Variants in SLC9A9 observed in about 807,000 individuals in gnomAD.
SLC9A9 encodes the protein sodium/hydrogen exchanger 9.
SLC9A9 carries 62 observed loss-of-function variants against 77.8 expected under a neutral mutation model. The observed-to-expected ratio is 0.80, with a 90% CI of 0.65 to 0.98. The LOEUF (loss-of-function observed/expected upper bound fraction) is 0.98. Among genes scored for constraint, SLC9A9 ranks in the 50% least tolerant of loss-of-function variants. The pLI, the probability that SLC9A9 is intolerant of heterozygous loss-of-function variation, is 0.00. For synonymous variants in SLC9A9, 320 were observed against 283.5 expected (o/e 1.13, Z -1.29); for missense variants, 775 against 774.9 (o/e 1.00, Z 0.00).
At chr3:143,806,097 C>T (rs1233000663) in intron 2 of SLC9A9, among the ~76,000 whole-genome samples, 4 of 151,190 alleles carry the variant, frequency 2.6e-5, no homozygotes, top group Non-Finnish European at 1.5e-5. Context: ...CCCCTACCCC[C>T]CGTCCCCCAC....
At chr3:143,381,879 A>G (rs2033311731) in intron 13 of SLC9A9, 181 bp downstream of exon 13, 1 of 707,396 alleles carries the variant, frequency 1.4e-6, no homozygotes, top group Non-Finnish European at 2.5e-6. Flanking sequence ...AAGCATTCAT[A>G]TGCTAGAAGT....
At chr3:143,307,853 C>T (rs1038166577) in intron 14 of SLC9A9, among the ~76,000 whole-genome samples, 57 of 152,306 alleles carry the variant, frequency 3.7e-4, no homozygotes, top group African/African-American at 1.4e-3. Flanking sequence ...CAGCCCCATG[C>T]CTGTGACTCA....
intron 14 of SLC9A9, among the ~76,000 whole-genome samples, chr3:143,323,683 A>G (rs1232826114): frequency 1.3e-5 from 2 of 152,262 alleles, no homozygotes; most frequent in Non-Finnish European, 2.9e-5. Context: ...ACTATACTTA[A>G]GAAAAATATA....
chr3:143,536,287 C>T (rs2036587599), intron 9 of SLC9A9, among the ~76,000 whole-genome samples: 3 of 152,064 alleles, frequency 2.0e-5, no homozygotes, highest in African/African-American at 7.2e-5. Context: ...TTTTCCCACC[C>T]ATGTTTACTT....
chr3:143,738,311 T>C (rs1934994585), intron 4 of SLC9A9, among the ~76,000 whole-genome samples: 1 of 152,156 alleles, frequency 6.6e-6, no homozygotes, highest in African/African-American at 2.4e-5. Context: ...TACAGTCCTT[T>C]GCCTCTGGAT....
At chr3:143,477,737 T>C (rs1266469972) in intron 11 of SLC9A9, among the ~76,000 whole-genome samples, 1 of 152,100 alleles carries the variant, frequency 6.6e-6, no homozygotes, top group Admixed American at 6.5e-5. Context: ...ACCTATGCAA[T>C]GTGTCTCTGT....
intron 1 of SLC9A9, among the ~76,000 whole-genome samples, chr3:143,845,050 T>C (rs2009803226): frequency 6.6e-6 from 1 of 151,998 alleles, no homozygotes; most frequent in African/African-American, 2.4e-5. Context: ...AGCTTAACCA[T>C]ATGAGGATGC....
At chr3:143,566,256 T>G (rs2037165797) in intron 8 of SLC9A9, among the ~76,000 whole-genome samples, 1 of 152,172 alleles carries the variant, frequency 6.6e-6, no homozygotes, top group African/African-American at 2.4e-5. Flanking sequence ...GCACCTGAGT[T>G]CCAAGTGCAG....
chr3:143,442,914 A>T (rs73144787), intron 12 of SLC9A9, among the ~76,000 whole-genome samples: 21,068 of 152,138 alleles, frequency 0.14, 1,835 homozygotes, highest in East Asian at 0.39. Flanking sequence ...GGAGCTAGGG[A>T]TGAATGACAA....
intron 14 of SLC9A9, among the ~76,000 whole-genome samples, chr3:143,274,473 T>C (rs924804425): frequency 2.6e-5 from 4 of 152,186 alleles, no homozygotes; most frequent in Non-Finnish European, 5.9e-5. Flanking sequence ...GTTTAACAAT[T>C]GACTCTCTGT....
intron 14 of SLC9A9, among the ~76,000 whole-genome samples, chr3:143,337,266 AC>A (rs939237676): frequency 2.6e-5 from 4 of 151,400 alleles, no homozygotes; most frequent in South Asian, 4.2e-4. Flanking sequence ...CCCTCCTTCC[AC>A]CCCCCACCCT....
chr3:143,710,970 A>G (rs1934127920), intron 4 of SLC9A9, among the ~76,000 whole-genome samples: 2 of 152,200 alleles, frequency 1.3e-5, no homozygotes. Flanking sequence ...ACTTATAAAT[A>G]ATGTAGATGC....
At chr3:143,454,989 C>T (rs1429330330) in intron 12 of SLC9A9, among the ~76,000 whole-genome samples, 1 of 152,164 alleles carries the variant, frequency 6.6e-6, no homozygotes, top group Admixed American at 6.5e-5. Flanking sequence ...AAGTCAGCCT[C>T]ACAAGGTAAT....
chr3:143,573,494 C>A (rs1037586110), intron 8 of SLC9A9, among the ~76,000 whole-genome samples: 5 of 152,132 alleles, frequency 3.3e-5, no homozygotes, highest in African/African-American at 1.2e-4. Context: ...CTAGGATCTG[C>A]AGCCCTTGGG....
At chr3:143,553,887 AT>A (rs1466915953) in intron 8 of SLC9A9, among the ~76,000 whole-genome samples, 1 of 152,206 alleles carries the variant, frequency 6.6e-6, no homozygotes, top group Admixed American at 6.5e-5. Context: ...CAGAATTTCT[AT>A]TTTAAAAAGC....
At chr3:143,621,494 C>T (rs1328708969) in intron 6 of SLC9A9, among the ~76,000 whole-genome samples, 1 of 152,214 alleles carries the variant, frequency 6.6e-6, no homozygotes, top group Non-Finnish European at 1.5e-5. Context: ...TGCTGATACC[C>T]AGGCAAACAG....
At chr3:143,709,654 T>C (rs879742173) in intron 4 of SLC9A9, among the ~76,000 whole-genome samples, 3 of 152,202 alleles carry the variant, frequency 2.0e-5, no homozygotes, top group African/African-American at 4.8e-5. Context: ...TACCCACTGC[T>C]TGGTGACTTG....
In SLC9A9 at chr3:143,299,645, G is replaced by A. The variant is rs545346167; in HGVS notation, c.1605-30665C>T. ...TTTTTAGTAGAGATGGGGTTTCACC[G>A]TGTTAGCCAGGATGGTCTCGATCTC... On this transcript the variant is annotated intron_variant, in intron 14 of 15. Transcript: ENST00000316549. Among the ~76,000 whole-genome samples, 722 of 152,166 alleles carry A rather than the reference G, an allele frequency of 4.7e-3. 4 individuals carry two copies. Among genetic ancestry groups the A allele is most frequent in the Non-Finnish European group, 8.2e-3 (559 of 67,992 alleles).
At chr3:143,381,919 A>T in intron 13 of SLC9A9, 141 bp downstream of exon 13, 1 of 960,540 alleles carries the variant, frequency 1.0e-6, no homozygotes, top group Admixed American at 1.7e-5. Flanking sequence ...CTTGTATTTT[A>T]TTGTAATCTC....
Sources: gnomAD v4.1 joint callset for allele counts (sites outside exome capture counted in the v4.1 genomes callset) on GRCh38, gnomAD v4.1.1 for gene constraint, MANE v1.5 for transcripts, NCBI Gene and HGNC (gene_info 2026-07-23, HGNC 2026-07-21) for gene names.